TRDMT1: variants seen among roughly 807,000 people sequenced by gnomAD.
TRDMT1 encodes tRNA (cytosine(38)-C(5))-methyltransferase.
TRDMT1 carries 49 observed loss-of-function variants against 51.2 expected under a neutral mutation model. The ratio of observed to expected loss-of-function variants is 0.96; its 90% CI spans 0.76 to 1.21. The LOEUF is 1.21. Ranked by LOEUF, TRDMT1 falls within the 50% of genes most tolerant of loss-of-function variation. The pLI, the probability that TRDMT1 is intolerant of heterozygous loss-of-function variation, is 0.00. For synonymous variants in TRDMT1, 187 were observed against 164.6 expected (o/e 1.14, Z -1.04); for missense variants, 534 against 462.3 (o/e 1.16, Z -1.42).
At chr10:17,175,642 G>C (rs1341385076) in intron 1 of TRDMT1, among the ~76,000 whole-genome samples, 1 of 149,916 alleles carries the variant, frequency 6.7e-6, no homozygotes, top group African/African-American at 2.5e-5. Flanking sequence ...TTAATAGTTA[G>C]CTGATTAGCT....
chr10:17,201,541 T>C (rs780217159), intron 1 of TRDMT1, 30 bp downstream of exon 1: 1 of 1,541,596 alleles, frequency 6.5e-7, no homozygotes, highest in Non-Finnish European at 8.8e-7. Flanking sequence ...CGTGAGCGAA[T>C]AGAGAGAGGG....
In TRDMT1 at chr10:17,185,999, C is replaced by T. The variant is rs141459837; in HGVS notation, c.65-11339G>A. Reference sequence around the variant, plus strand: ...CAGCACACCAACGGCACATGTATACCTATGTAACAAACCTGCATGTTGTGC... The same window carrying T: ...CAGCACACCAACGGCACATGTATACTTATGTAACAAACCTGCATGTTGTGC... On this transcript the variant is annotated intron_variant, in intron 1 of 10. Transcript: ENST00000377799. Among the ~76,000 whole-genome samples the T allele has an allele frequency of 3.1e-4, 47 of 151,428 alleles. 2 individuals are homozygous for T.
At chr10:17,198,582 G>A (rs1209014060) in intron 1 of TRDMT1, among the ~76,000 whole-genome samples, 1 of 152,124 alleles carries the variant, frequency 6.6e-6, no homozygotes, top group African/African-American at 2.4e-5. Flanking sequence ...ACTTATGTGT[G>A]GTACGCAGAG....
chr10:17,179,392 A>G (rs983930081), intron 1 of TRDMT1, among the ~76,000 whole-genome samples: 4 of 152,108 alleles, frequency 2.6e-5, no homozygotes, highest in Admixed American at 6.6e-5. Context: ...AGGGACCTCA[A>G]TTTCCAAGGG....
At position 17,143,609 on chromosome 10, in the gene TRDMT1, G is replaced by C; in HGVS notation, c.*5431C>G. Reference sequence around the variant, plus strand: ...GATTAAATTTAGAAGGCTCAAATCTGTTAAATGTTGACATGTTTAACCAAG... The same window carrying C: ...GATTAAATTTAGAAGGCTCAAATCTCTTAAATGTTGACATGTTTAACCAAG... On this transcript the variant is annotated 3_prime_UTR_variant, in exon 11 of 11. Transcript: ENST00000377799. 1.0e-6 allele frequency: 1 copy of C among 985,420 alleles called. No individual in the cohort carries two copies. The highest frequency in any genetic ancestry group is 4.7e-5 in the South Asian group (1 of 21,290). The allele number at this position is 985,420 out of a possible 1,614,324, so 61.0% of individuals were successfully genotyped here. A position where few individuals can be genotyped will look rare whatever the true frequency, so the allele number is the denominator to read the frequency against.
Position 17,157,895 on chromosome 10 carries a change from G to A in TRDMT1, c.544-111C>T, listed in dbSNP as rs1839784945. 3 of 774,702 alleles carry A rather than the reference G, an allele frequency of 3.9e-6. No homozygotes were observed. The East Asian group carries it at 8.1e-5, about 21-fold the overall frequency. The allele number at this position is 774,702 out of a possible 1,614,324, so 48.0% of individuals were successfully genotyped here. A position where few individuals can be genotyped will look rare whatever the true frequency, so the allele number is the denominator to read the frequency against. On this transcript the variant is annotated intron_variant, in intron 7 of 10. Coordinates refer to ENST00000377799, the MANE Select transcript of TRDMT1 (RefSeq NM_004412.7). ...CAACCTCATTAGCCTTTATGGGGTT[G>A]CCATTAAAAGATAGAAATTGTGGTT...
At chr10:17,152,538 A>T (rs1838885897) in intron 10 of TRDMT1, among the ~76,000 whole-genome samples, 1 of 152,218 alleles carries the variant, frequency 6.6e-6, no homozygotes, top group South Asian at 2.1e-4. Flanking sequence ...ACTTTTCTGC[A>T]TTCAAACTCT....
At position 17,185,999 on chromosome 10, in the gene TRDMT1, C is replaced by G. The variant is rs141459837; in HGVS notation, c.65-11339G>C. Among the ~76,000 whole-genome samples the G allele has an allele frequency of 7.4e-3, 1,126 of 151,544 alleles. 18 individuals carry two copies. The highest frequency in any genetic ancestry group is 0.025 in the African/African-American group (1,042 of 41,284). On this transcript the variant is annotated intron_variant, in intron 1 of 10. Transcript: ENST00000377799. Reference sequence around the variant, plus strand: ...CAGCACACCAACGGCACATGTATACCTATGTAACAAACCTGCATGTTGTGC... The same window carrying G: ...CAGCACACCAACGGCACATGTATACGTATGTAACAAACCTGCATGTTGTGC...
chr10:17,161,711 C>T (rs969457758), intron 4 of TRDMT1, among the ~76,000 whole-genome samples, 163 bp from the exon 5 acceptor site: 2 of 152,000 alleles, frequency 1.3e-5, no homozygotes, highest in African/African-American at 4.8e-5. Flanking sequence ...TTCATTTTTC[C>T]CTTAAACACA....
intron 3 of TRDMT1, among the ~76,000 whole-genome samples, chr10:17,165,083 C>T (rs1449099165): frequency 2.0e-5 from 3 of 152,106 alleles, no homozygotes; most frequent in African/African-American, 7.2e-5. Context: ...GCCAAAAGAA[C>T]GAAGCTGGAG....
chr10:17,189,623 T>G (rs1176432412), intron 1 of TRDMT1, among the ~76,000 whole-genome samples: 1 of 152,108 alleles, frequency 6.6e-6, no homozygotes, highest in Non-Finnish European at 1.5e-5. Context: ...AAACATCCAT[T>G]CTGAAGAAGC....
At chr10:17,176,129 T>G (rs1842591675) in intron 1 of TRDMT1, among the ~76,000 whole-genome samples, 1 of 152,252 alleles carries the variant, frequency 6.6e-6, no homozygotes, top group South Asian at 2.1e-4. Context: ...AGGATCCATT[T>G]GCAAACACAA....
In TRDMT1 at chr10:17,140,037, C is replaced by CTTTTTTTCTT. The variant is rs1837549866; in HGVS notation, c.*9002_*9003insAAGAAAAAAA. On this transcript the variant is annotated 3_prime_UTR_variant, in exon 11 of 11. Coordinates refer to ENST00000377799, the MANE Select transcript of TRDMT1 (RefSeq NM_004412.7). ...TATTCTTCCAGTAACATCTAGTGTGCTTTTTTTTTTTTTTTTTTTTTTTTT... is the reference window on the plus strand; with the variant it reads ...TATTCTTCCAGTAACATCTAGTGTGCTTTTTTTCTTTTTTTTTTTTTTTTTTTTTTTTTTT... Among the ~76,000 whole-genome samples, 1 of 21,914 alleles carries CTTTTTTTCTT rather than the reference C, an allele frequency of 4.6e-5. No homozygotes were observed. The highest frequency in any genetic ancestry group is 1.9e-4 in the African/African-American group (1 of 5,348). 14.4% of individuals were successfully genotyped at this position (21,914 alleles called of 152,430 possible). A position where few individuals can be genotyped will look rare whatever the true frequency, so the allele number is the denominator to read the frequency against.
rs1837824328 is a variant in TRDMT1 at position 17,143,182 on chromosome 10, G to A, written c.*5858C>T. ...CATTGTTTGAACTCCACAGTGTGGT[G>A]CTTTCTATGTAGCTTCAATATTGAT... is the stretch of plus-strand genomic sequence containing the variant. On this transcript the variant is annotated 3_prime_UTR_variant, in exon 11 of 11. Transcript: ENST00000377799. The A allele has an allele frequency of 1.0e-6, 1 of 985,434 alleles. No homozygotes were observed. The highest frequency in any genetic ancestry group is 1.2e-6 in the Non-Finnish European group (1 of 829,946). 61.0% of individuals were successfully genotyped at this position (985,434 alleles called of 1,614,324 possible).
chr10:17,180,211 A>G (rs1267473347), intron 1 of TRDMT1, among the ~76,000 whole-genome samples: 1 of 152,240 alleles, frequency 6.6e-6, no homozygotes, highest in Non-Finnish European at 1.5e-5. Context: ...CTATTAAAGA[A>G]TAAAAATAGT....
rs1213237526 is a variant in TRDMT1, at chr10:17,154,754, A to C, written c.888-20T>G. On this transcript the variant is annotated intron_variant, in intron 8 of 10. Transcript: ENST00000377799. Reference sequence around the variant, plus strand: ...CCATATCTGAAAAATCAACACAACAATTATGCAGCACCTGATGTATGTGTT... The same window carrying C: ...CCATATCTGAAAAATCAACACAACACTTATGCAGCACCTGATGTATGTGTT... 1 of 1,594,696 alleles carries C rather than the reference A, an allele frequency of 6.3e-7. No homozygotes were observed. Among genetic ancestry groups the C allele is most frequent in the Admixed American group, 1.8e-5 (1 of 57,120 alleles).
At chr10:17,165,572 A>G (rs1411644921) in intron 3 of TRDMT1, among the ~76,000 whole-genome samples, 17 of 152,150 alleles carry the variant, frequency 1.1e-4, no homozygotes, top group African/African-American at 3.4e-4. Context: ...TACCATCAGA[A>G]TGAACAGGCA....
At chr10:17,189,956 C>T (rs142628209) in intron 1 of TRDMT1, among the ~76,000 whole-genome samples, 1,760 of 152,082 alleles carry the variant, frequency 0.012, 24 homozygotes, top group African/African-American at 0.041. Flanking sequence ...AATGGATGCA[C>T]AAGAACTATT....
In TRDMT1 at chr10:17,141,919, C is replaced by T. The variant is rs969766997; in HGVS notation, c.*7121G>A. Among the ~76,000 whole-genome samples, 1 of 152,084 alleles carries T rather than the reference C, an allele frequency of 6.6e-6. No homozygotes were observed. Among genetic ancestry groups the T allele is most frequent in the Non-Finnish European group, 1.5e-5 (1 of 67,990 alleles). On this transcript the variant is annotated 3_prime_UTR_variant, in exon 11 of 11. Transcript: ENST00000377799. The stretch of plus-strand genomic sequence containing the variant: ...AGGATCTAATCAAATTATCTGTTAC[C>T]ACAGAATGTTTTCTATTTTGGTTAT...
Sources: gnomAD v4.1 joint callset for allele counts (sites outside exome capture counted in the v4.1 genomes callset) on GRCh38, gnomAD v4.1.1 for gene constraint, MANE v1.5 for transcripts, NCBI Gene and HGNC (gene_info 2026-07-23, HGNC 2026-07-21) for gene names.